The following DSP variants were observed in gnomAD, a reference collection of about 807,000 sequenced individuals.
The protein encoded by DSP is desmoplakin.
A neutral mutation model predicts 290.6 loss-of-function variants in DSP; 114 were observed. The observed-to-expected ratio is 0.39, with a 90% CI of 0.34 to 0.46. The LOEUF is 0.46. DSP is among the 20% of genes least tolerant of loss of function. The pLI is 0.99. For synonymous variants in DSP, 1,311 were observed against 1,316.4 expected (o/e 1.00, Z 0.09); for missense variants, 3,230 against 3,495.8 (o/e 0.92, Z 1.92).
intron 5 of DSP, among the ~76,000 whole-genome samples, chr6:7,563,358 TTTC>T (rs1310873363): frequency 1.3e-5 from 2 of 150,770 alleles, no homozygotes; most frequent in Non-Finnish European, 3.0e-5. Flanking sequence ...CTCATCCTCA[TTTC>T]TTCTTCTGGC....
chr6:7,559,547 AT>A, intron 4 of DSP, 147 bp downstream of exon 4: 2 of 979,788 alleles, frequency 2.0e-6, no homozygotes, highest in Non-Finnish European at 3.1e-6. Flanking sequence ...CTCCTATACA[AT>A]TTGAAAAGTG....
rs1270830295 is a variant in DSP at position 7,582,339 on chromosome 6, TC to T, written c.5380-299del. Among the ~76,000 whole-genome samples, 1 of 151,088 alleles carries T rather than the reference TC, an allele frequency of 6.6e-6. No homozygotes were observed. The highest frequency in any genetic ancestry group is 1.5e-5 in the Non-Finnish European group (1 of 67,822). On this transcript the variant is annotated intron_variant, in intron 23 of 23. Transcript: ENST00000379802. The surrounding 1 kb of genome is among the most constrained non-coding windows in gnomAD (Gnocchi z 4.2). ...CAGGTATGATAACCTGAAACAAAAC[TC>T]CCCACATTTTTTCAAAGCATAATTA...
chr6:7,556,836 C>T (rs1335748045), intron 2 of DSP, among the ~76,000 whole-genome samples: 1 of 152,162 alleles, frequency 6.6e-6, no homozygotes, highest in Non-Finnish European at 1.5e-5. Flanking sequence ...AAACATACTC[C>T]TTGAAATGTT....
At chr6:7,548,350 C>T (rs377696527) in intron 1 of DSP, among the ~76,000 whole-genome samples, 3 of 152,318 alleles carry the variant, frequency 2.0e-5, no homozygotes, top group Middle Eastern at 3.4e-3. Context: ...GTGAGGTCTC[C>T]GCCTCTGCAG....
chr6:7,579,292 C>T lies in DSP; in HGVS notation c.3102C>T (p.Ile1034=), dbSNP rs569974617. 107 of 1,613,930 alleles carry T rather than the reference C, an allele frequency of 6.6e-5. No individual in the cohort carries two copies. Among genetic ancestry groups the T allele is most frequent in the Non-Finnish European group, 6.9e-5 (82 of 1,180,010 alleles). ...TTCCACAGCTGAAAAATACCAAGAT[C>T]GAAGTTTTGGAAGAGGAGCTCAGAC... ...LEDLKLKNTK[I]EVLEEELRLA... Residue 1034 remains isoleucine, a synonymous_variant, in exon 23 of 24, where the codon ATC becomes ATT. Transcript: ENST00000379802. The surrounding 1 kb of genome is among the most constrained non-coding windows in gnomAD (Gnocchi z 4.1).
intron 1 of DSP, among the ~76,000 whole-genome samples, chr6:7,551,640 A>C (rs1561676498): frequency 6.6e-6 from 1 of 152,162 alleles, no homozygotes; most frequent in African/African-American, 2.4e-5. Flanking sequence ...AAAAAAAAAA[A>C]ACAGGCATGT....
In DSP at chr6:7,563,738, C is replaced by G. The variant is rs141028505; in HGVS notation, c.729C>G (p.Arg243=). 19 of 1,613,228 alleles carry G rather than the reference C, an allele frequency of 1.2e-5. No individual in the cohort carries two copies. The highest frequency in any genetic ancestry group is 1.4e-5 in the Non-Finnish European group (16 of 1,179,320). Residue 243 remains arginine (R), a splice_region_variant and synonymous_variant, in exon 6 of 24, where the codon CGC becomes CGG. Transcript: ENST00000379802. The part of the protein sequence containing the change: ...WQLDKIKADL[R]EKSAIYQLEE... ...ACCTGCTTTTTGTTGTCTTCTAGCG[C>G]GAGAAATCTGCGATCTACCAGTTGG...
intron 23 of DSP, 58 bp downstream of exon 23, chr6:7,581,627 T>C (rs775365651): frequency 3.7e-6 from 6 of 1,602,482 alleles, no homozygotes; most frequent in Non-Finnish European, 5.1e-6. Context: ...ATCACATTAT[T>C]ATCTCATCTG....
rs778873989 is a variant in DSP, at chr6:7,563,711, C to T, written c.727-25C>T. The T allele has an allele frequency of 1.6e-5, 26 of 1,603,408 alleles. No individual in the cohort carries two copies. In the East Asian group the frequency reaches 5.8e-4, roughly 36 times the overall value. On this transcript the variant is annotated intron_variant, in intron 5 of 23. Coordinates refer to ENST00000379802, the MANE Select transcript of DSP (RefSeq NM_004415.4). ...ATACAATCCACAAGGGGATTTATAT[C>T]TACCTGCTTTTTGTTGTCTTCTAGC...
chr6:7,574,311 C>G, intron 16 of DSP, 59 bp downstream of exon 16: 3 of 1,528,456 alleles, frequency 2.0e-6, no homozygotes, highest in Non-Finnish European at 2.7e-6. Flanking sequence ...TTTTCTGGGT[C>G]TTCATTTGCT....
At position 7,565,483 on chromosome 6, in the gene DSP, A is replaced by G. The variant is rs1758833260; in HGVS notation, c.902A>G (p.Lys301Arg). The change falls in exon 7 of 24, where the codon AAG (lysine) becomes AGG (arginine). Residue 301 changes from lysine (K) to arginine (R), a missense_variant. Transcript: ENST00000379802. The surrounding 1 kb of genome is among the most constrained non-coding windows in gnomAD (Gnocchi z 4.2). ...EEELLYDWSD[K>R]NTNIAQKQEA... ...GAGCTGCTGTACGACTGGAGCGACA[A>G]GAACACCAACATCGCTCAGAAACAG... 6.2e-7 allele frequency: 1 copy of G among 1,613,964 alleles called. No homozygotes were observed. Among genetic ancestry groups the G allele is most frequent in the Non-Finnish European group, 8.5e-7 (1 of 1,179,972 alleles).
chr6:7,556,555 T>G (rs1324775654), intron 2 of DSP, among the ~76,000 whole-genome samples: 1 of 152,238 alleles, frequency 6.6e-6, no homozygotes, highest in African/African-American at 2.4e-5. Context: ...CCGACACTGG[T>G]ATCAAGGTTA....
intron 1 of DSP, among the ~76,000 whole-genome samples, chr6:7,543,819 C>T (rs1758092596): frequency 6.6e-6 from 1 of 152,196 alleles, no homozygotes; most frequent in Non-Finnish European, 1.5e-5. Context: ...ACTCCCTTGG[C>T]TTCTTATACC....
chr6:7,581,497 G>C lies in DSP; in HGVS notation c.5307G>C (p.Leu1769=). ...SNNRTLELQG[L]INDLQREREN... ...ACCGGACCCTGGAACTGCAGGGGCT[G>C]ATTAATGATTTACAGAGAGAGAGGG... is the stretch of plus-strand genomic sequence containing the variant. Residue 1769 remains leucine, a synonymous_variant, in exon 23 of 24, where the codon CTG becomes CTC. Coordinates refer to ENST00000379802, the MANE Select transcript of DSP (RefSeq NM_004415.4). 6.2e-7 allele frequency: 1 copy of C among 1,614,002 alleles called. No individual in the cohort carries two copies. Among genetic ancestry groups the C allele is most frequent in the Non-Finnish European group, 8.5e-7 (1 of 1,179,996 alleles).
chr6:7,583,481 A>C lies in DSP; in HGVS notation c.6219A>C (p.Ile2073=). 1 of 1,614,228 alleles carries C rather than the reference A, an allele frequency of 6.2e-7. No homozygotes were observed. The highest frequency in any genetic ancestry group is 2.2e-5 in the East Asian group (1 of 44,884). Residue 2073 remains isoleucine (I), a synonymous_variant, in exon 24 of 24, where the codon ATA becomes ATC. Coordinates refer to ENST00000379802, the MANE Select transcript of DSP (RefSeq NM_004415.4). This position sits in a 1 kb window ranked among gnomAD's most constrained non-coding sequence, Gnocchi z 4.0. ...AGAAGCTGACTGTCGACAGTGCCATAGCTCGGGACCTCATTGACTTCGATG... is the reference window on the plus strand; with the variant it reads ...AGAAGCTGACTGTCGACAGTGCCATCGCTCGGGACCTCATTGACTTCGATG... ...RNEKLTVDSA[I]ARDLIDFDDR...
chr6:7,562,883 T>C, intron 5 of DSP, 103 bp downstream of exon 5: 2 of 1,539,672 alleles, frequency 1.3e-6, no homozygotes, highest in South Asian at 2.3e-5. Context: ...CTATTATTTC[T>C]TTCCCAGAAG....
rs116729519 is a variant in DSP at position 7,545,528 on chromosome 6, A to G, written c.170+3443A>G. Among the ~76,000 whole-genome samples, 313 of 152,314 alleles carry G rather than the reference A, an allele frequency of 2.1e-3. 2 individuals are homozygous for G. Among genetic ancestry groups the G allele is most frequent in the African/African-American group, 7.3e-3 (304 of 41,564 alleles). On this transcript the variant is annotated intron_variant, in intron 1 of 23. Transcript: ENST00000379802. Reference sequence around the variant, plus strand: ...ACACCATGCAAGTATCTCAAATTCCATTAATTCCTTAATTCAGCAAGTATT... The same window carrying G: ...ACACCATGCAAGTATCTCAAATTCCGTTAATTCCTTAATTCAGCAAGTATT...
intron 1 of DSP, among the ~76,000 whole-genome samples, chr6:7,549,744 A>G (rs948988621): frequency 6.6e-6 from 1 of 152,186 alleles, no homozygotes; most frequent in Non-Finnish European, 1.5e-5. Context: ...TGACTGAATG[A>G]ACAAAAGAAG....
intron 4 of DSP, among the ~76,000 whole-genome samples, chr6:7,560,488 T>G (rs971129682): frequency 3.3e-5 from 5 of 152,246 alleles, no homozygotes; most frequent in Non-Finnish European, 5.9e-5. Flanking sequence ...CAAATTTCCT[T>G]CTAATCTTCG....
Sources: allele counts gnomAD v4.1 joint callset (sites outside exome capture counted in the v4.1 genomes callset), GRCh38; gene constraint gnomAD v4.1.1; non-coding constraint Gnocchi (gnomAD v3.1); transcripts MANE v1.5; gene names NCBI Gene and HGNC (gene_info 2026-07-23, HGNC 2026-07-21).